ALCAM: variants seen among roughly 807,000 people sequenced by gnomAD.
ALCAM encodes activated leukocyte cell adhesion molecule.
Under a neutral mutation model 70.9 loss-of-function variants are expected in ALCAM, and 30 were observed. That is an observed-to-expected ratio of 0.42 (90% CI 0.32 to 0.57). The LOEUF (loss-of-function observed/expected upper bound fraction) is 0.57. Among genes scored for constraint, ALCAM ranks in the 20% least tolerant of loss-of-function variants. The probability of loss-of-function intolerance (pLI) is 0.11; values close to 1 mark genes in which losing one functional copy is unlikely to be tolerated. For synonymous variants in ALCAM, 249 were observed against 242.5 expected, an observed-to-expected ratio of 1.03 and a Z score of -0.25; for missense variants, 591 against 695.1, an observed-to-expected ratio of 0.85 and a Z score of 1.68.
intron 1 of ALCAM, among the ~76,000 whole-genome samples, chr3:105,501,139 G>A (rs969084142): frequency 2.0e-5 from 3 of 152,196 alleles, no homozygotes; most frequent in Non-Finnish European, 2.9e-5. Context: ...CGAGTGCTTC[G>A]AAGGCTCTGA....
chr3:105,401,146 T>C (rs2107371415), intron 1 of ALCAM, among the ~76,000 whole-genome samples: 1 of 152,348 alleles, frequency 6.6e-6, no homozygotes, highest in African/African-American at 2.4e-5. Context: ...GCATTGATCG[T>C]TTCTTAGAAA....
rs924898600 is a variant in ALCAM, at chr3:105,574,959, T to C, written c.*508T>C. On this transcript the variant is annotated 3_prime_UTR_variant, in exon 16 of 16. Transcript: ENST00000306107. ...ACCCAAAGGTGGCAGCTTGTGAAGATTGGGGACACTCATATTGCCCTAATT... is the reference window on the plus strand; with the variant it reads ...ACCCAAAGGTGGCAGCTTGTGAAGACTGGGGACACTCATATTGCCCTAATT... 7.9e-5 allele frequency: 12 copies of C among 152,416 alleles called. No individual in the cohort carries two copies. The highest frequency in any genetic ancestry group is 2.2e-4 in the African/African-American group (9 of 41,434). The allele number at this position is 152,416 out of a possible 1,614,324, so 9.4% of individuals were successfully genotyped here.
chr3:105,433,079 T>C (rs1214650756), intron 1 of ALCAM, among the ~76,000 whole-genome samples: 1 of 152,142 alleles, frequency 6.6e-6, no homozygotes, highest in Non-Finnish European at 1.5e-5. Flanking sequence ...TAAATACCAC[T>C]TGTTCCTCCT....
At chr3:105,441,300 C>T (rs1271124807) in intron 1 of ALCAM, among the ~76,000 whole-genome samples, 1 of 151,534 alleles carries the variant, frequency 6.6e-6, no homozygotes. Context: ...ACTATGTTAA[C>T]TAAATGGTCT....
chr3:105,417,191 G>A (rs147648773), intron 1 of ALCAM, among the ~76,000 whole-genome samples: 6 of 151,096 alleles, frequency 4.0e-5, no homozygotes, highest in South Asian at 2.1e-4. Flanking sequence ...CTCTTATGTC[G>A]CCTGGGTAAA....
chr3:105,415,259 A>C (rs1203466276), intron 1 of ALCAM, among the ~76,000 whole-genome samples: 1 of 152,134 alleles, frequency 6.6e-6, no homozygotes, highest in African/African-American at 2.4e-5. Flanking sequence ...TTTAAGGATT[A>C]ATTAGTTGAG....
intron 1 of ALCAM, among the ~76,000 whole-genome samples, chr3:105,468,200 G>A (rs562325131): frequency 1.3e-5 from 2 of 151,330 alleles, no homozygotes; most frequent in South Asian, 4.2e-4. Context: ...CCAAACTCTT[G>A]GCTTTGCCGT....
intron 1 of ALCAM, among the ~76,000 whole-genome samples, chr3:105,489,361 A>G (rs1938520260): frequency 6.6e-6 from 1 of 152,170 alleles, no homozygotes; most frequent in Non-Finnish European, 1.5e-5. Flanking sequence ...TTATATTCCA[A>G]TGGCTTACAG....
chr3:105,535,994 A>G (rs150160340), intron 6 of ALCAM, among the ~76,000 whole-genome samples: 1,527 of 152,210 alleles, frequency 0.01, 18 homozygotes, highest in Middle Eastern at 0.027. Context: ...AACTTGGGAA[A>G]TAAGTTTCAA....
At chr3:105,472,473 C>T (rs1380071379) in intron 1 of ALCAM, among the ~76,000 whole-genome samples, 1 of 151,472 alleles carries the variant, frequency 6.6e-6, no homozygotes, top group Non-Finnish European at 1.5e-5. Flanking sequence ...ATCATTTCTG[C>T]TGTGAAGCAG....
At chr3:105,556,222 T>C (rs1476616946) in intron 14 of ALCAM, among the ~76,000 whole-genome samples, 1 of 151,916 alleles carries the variant, frequency 6.6e-6, no homozygotes, top group Non-Finnish European at 1.5e-5. Context: ...AAAGGAAAAA[T>C]GTAAAGGCAG....
intron 13 of ALCAM, 62 bp downstream of exon 13, chr3:105,552,244 T>C: frequency 6.7e-7 from 1 of 1,485,400 alleles, no homozygotes; most frequent in Non-Finnish European, 9.2e-7. Flanking sequence ...TGAAGTGTCA[T>C]GGTATAAGTA....
intron 1 of ALCAM, among the ~76,000 whole-genome samples, chr3:105,440,185 G>A (rs1203945601): frequency 1.3e-5 from 2 of 152,160 alleles, no homozygotes; most frequent in East Asian, 3.9e-4. Context: ...GCACCTTGGG[G>A]AAGTTTGGCT....
At chr3:105,540,230 C>T (rs948249051) in intron 7 of ALCAM, 128 bp downstream of exon 7, 11 of 949,372 alleles carry the variant, frequency 1.2e-5, no homozygotes, top group Middle Eastern at 3.3e-4. Context: ...TAAAATGTCA[C>T]GTGGAAGCTT....
chr3:105,433,296 C>A (rs114788543), intron 1 of ALCAM, among the ~76,000 whole-genome samples: 2 of 152,082 alleles, frequency 1.3e-5, no homozygotes, highest in Non-Finnish European at 2.9e-5. Context: ...CAGAACTTGC[C>A]TTGGCTTAGT....
chr3:105,504,910 C>G (rs1939030369), intron 1 of ALCAM, among the ~76,000 whole-genome samples: 1 of 152,184 alleles, frequency 6.6e-6, no homozygotes, highest in Non-Finnish European at 1.5e-5. Flanking sequence ...AGGGACCACG[C>G]TCTTCCCTAC....
intron 1 of ALCAM, among the ~76,000 whole-genome samples, chr3:105,405,399 A>T (rs975206070): frequency 2.0e-5 from 3 of 151,902 alleles, no homozygotes; most frequent in African/African-American, 7.3e-5. Flanking sequence ...TCTCAAATTT[A>T]TAAAACAATT....
rs201974220 is a variant in ALCAM at position 105,541,728 on chromosome 3, A to T, written c.954A>T (p.Lys318Asn). ...TGDYKCSLID[K>N]KSMIASTAIT... is the part of the protein sequence containing the mutation. ...ACTACAAGTGTTCCCTGATAGACAA[A>T]AAAAGCATGATTGCTTCAACAGCTA... is the stretch of plus-strand genomic sequence containing the variant. The change falls in exon 8 of 16, where the codon AAA (lysine) becomes AAT (asparagine). Residue 318 changes from lysine (K) to asparagine (N), a missense_variant. Transcript: ENST00000306107. 1.2e-4 allele frequency: 198 copies of T among 1,612,314 alleles called. No homozygotes were observed. The highest frequency in any genetic ancestry group is 3.3e-4 in the Middle Eastern group (2 of 6,050).
At chr3:105,422,805 TTGAG>T (rs1936701344) in intron 1 of ALCAM, among the ~76,000 whole-genome samples, 2 of 151,434 alleles carry the variant, frequency 1.3e-5, no homozygotes, top group Non-Finnish European at 3.0e-5. Flanking sequence ...TACAAAATGT[TTGAG>T]TGAGGAAAAG....
Sources: gnomAD v4.1 joint callset for allele counts (sites outside exome capture counted in the v4.1 genomes callset) on GRCh38, gnomAD v4.1.1 for gene constraint, MANE v1.5 for transcripts, NCBI Gene and HGNC (gene_info 2026-07-23, HGNC 2026-07-21) for gene names.